COL25A1: variants seen among roughly 807,000 people sequenced by gnomAD.
COL25A1 encodes the protein collagen alpha-1(XXV) chain.
In COL25A1, 103 loss-of-function variants were observed where a neutral mutation model predicts 128.4. That is an observed-to-expected ratio of 0.80 (90% CI 0.68 to 0.94). COL25A1 has a LOEUF of 0.94. Ranked by LOEUF, COL25A1 falls within the 40% of genes least tolerant of loss-of-function variation. COL25A1 has a pLI of 0.00. For synonymous variants in COL25A1, 279 were observed against 277.2 expected, an observed-to-expected ratio of 1.01 and a Z score of -0.06; for missense variants, 745 against 840.0, an observed-to-expected ratio of 0.89 and a Z score of 1.40.
chr4:109,081,565 A>G (rs1349546493), intron 3 of COL25A1, among the ~76,000 whole-genome samples: 3 of 152,216 alleles, frequency 2.0e-5, no homozygotes, highest in Non-Finnish European at 4.4e-5. Flanking sequence ...ATTCATAGAT[A>G]TGTGCAACCA....
At chr4:109,178,628 T>C (rs561333011) in intron 3 of COL25A1, among the ~76,000 whole-genome samples, 2 of 151,876 alleles carry the variant, frequency 1.3e-5, no homozygotes, top group South Asian at 2.1e-4. Flanking sequence ...ATTGAGACTA[T>C]CCTGGCTAAC....
chr4:109,138,391 G>A (rs1047156578), intron 3 of COL25A1, among the ~76,000 whole-genome samples: 1 of 152,178 alleles, frequency 6.6e-6, no homozygotes, highest in Non-Finnish European at 1.5e-5. Flanking sequence ...TATCATTGAT[G>A]GGCATATGGG....
chr4:109,264,153 A>T (rs562973330), intron 3 of COL25A1, among the ~76,000 whole-genome samples: 45 of 152,390 alleles, frequency 3.0e-4, no homozygotes, highest in African/African-American at 1.0e-3. Context: ...TTAGAATTAA[A>T]GGCTGAAGAG....
At chr4:109,149,942 ATGTGTGTG>A in intron 3 of COL25A1, among the ~76,000 whole-genome samples, 1 of 148,770 alleles carries the variant, frequency 6.7e-6, no homozygotes, top group South Asian at 2.1e-4. Context: ...ATGTGTATGT[ATGTGTGTG>A]TGTGTGTGTA....
intron 5 of COL25A1, among the ~76,000 whole-genome samples, chr4:109,042,232 C>A (rs556389291): frequency 6.6e-6 from 1 of 152,158 alleles, no homozygotes; most frequent in African/African-American, 2.4e-5. Flanking sequence ...ACACAGTGCT[C>A]TCTACAAACA....
At chr4:109,287,121 A>T (rs1723965867) in intron 3 of COL25A1, among the ~76,000 whole-genome samples, 1 of 152,214 alleles carries the variant, frequency 6.6e-6, no homozygotes, top group Non-Finnish European at 1.5e-5. Flanking sequence ...TGAAAAGTAA[A>T]CTGGAATTAT....
At chr4:109,042,697 G>A (rs974867100) in intron 5 of COL25A1, among the ~76,000 whole-genome samples, 1 of 151,860 alleles carries the variant, frequency 6.6e-6, no homozygotes, top group African/African-American at 2.4e-5. Flanking sequence ...ATAATAAGTA[G>A]GAATATAAAA....
chr4:109,050,270 T>C (rs780808047), intron 3 of COL25A1, 91 bp from the exon 4 acceptor site: 1 of 968,122 alleles, frequency 1.0e-6, no homozygotes, highest in Non-Finnish European at 1.5e-6. Context: ...TATTTTCTCA[T>C]TGTTTTTAAC....
intron 3 of COL25A1, among the ~76,000 whole-genome samples, chr4:109,080,442 C>T (rs1167366982): frequency 6.6e-6 from 1 of 151,994 alleles, no homozygotes; most frequent in African/African-American, 2.4e-5. Flanking sequence ...GGATAAATCA[C>T]CTGTAGGACT....
chr4:108,938,750 A>C (rs542330043), intron 10 of COL25A1, among the ~76,000 whole-genome samples: 1 of 152,288 alleles, frequency 6.6e-6, no homozygotes, highest in East Asian at 1.9e-4. Context: ...CCAGCTACTC[A>C]GAAGGCTGAG....
At chr4:109,048,070 T>A in intron 5 of COL25A1, 98 bp downstream of exon 5, 1 of 1,335,650 alleles carries the variant, frequency 7.5e-7, no homozygotes, top group Non-Finnish European at 1.1e-6. Flanking sequence ...AACATTTTTC[T>A]AATAGACATA....
chr4:109,197,471 A>AT (rs1491241928), intron 3 of COL25A1, among the ~76,000 whole-genome samples: 3 of 119,732 alleles, frequency 2.5e-5, no homozygotes, highest in South Asian at 4.5e-4. Context: ...TATTATATAT[A>AT]ATATATATTA....
chr4:108,874,086 A>C (rs1038015546), intron 19 of COL25A1, among the ~76,000 whole-genome samples: 7 of 152,260 alleles, frequency 4.6e-5, no homozygotes, highest in African/African-American at 1.4e-4. Flanking sequence ...CCAATTAGTC[A>C]CAATTTCTGT....
rs151130586 is a variant in COL25A1 at position 109,127,287 on chromosome 4, G to A, written c.368-77108C>T. Among the ~76,000 whole-genome samples, 3 of 152,202 alleles carry A rather than the reference G, an allele frequency of 2.0e-5. No homozygotes were observed. In the East Asian group the frequency reaches 5.8e-4, roughly 29 times the overall value. The stretch of plus-strand genomic sequence containing the variant: ...GCGTAATAGAACTTCAGCACTGCTT[G>A]GTCATAATTTGGTCCATTATTCTTT... On this transcript the variant is annotated intron_variant, in intron 3 of 37. Coordinates refer to ENST00000399132, the MANE Select transcript of COL25A1 (RefSeq NM_198721.4).
intron 18 of COL25A1, 137 bp downstream of exon 18, chr4:108,889,084 A>T: frequency 1.2e-6 from 1 of 813,828 alleles, no homozygotes; most frequent in Non-Finnish European, 2.0e-6. Flanking sequence ...AAAATGCAAA[A>T]CAACAATAAC....
chr4:109,083,447 A>ATTTTT (rs1560659110), intron 3 of COL25A1, among the ~76,000 whole-genome samples: 3 of 124,344 alleles, frequency 2.4e-5, no homozygotes, highest in Admixed American at 9.6e-5. Context: ...ACACTAAATA[A>ATTTTT]ATTTTTTTTT....
intron 3 of COL25A1, among the ~76,000 whole-genome samples, chr4:109,282,070 C>A (rs781677245): frequency 1.3e-5 from 2 of 152,156 alleles, no homozygotes; most frequent in Non-Finnish European, 2.9e-5. Context: ...AAAACCAACC[C>A]AATGGGAAAA....
At chr4:109,016,510 T>A (rs1182383560) in intron 5 of COL25A1, among the ~76,000 whole-genome samples, 2 of 152,240 alleles carry the variant, frequency 1.3e-5, no homozygotes, top group Non-Finnish European at 2.9e-5. Context: ...GGGACCAGAC[T>A]GCCAGTTCCA....
chr4:109,285,996 A>G (rs1723856893), intron 3 of COL25A1, among the ~76,000 whole-genome samples: 1 of 152,190 alleles, frequency 6.6e-6, no homozygotes, highest in South Asian at 2.1e-4. Flanking sequence ...CTGGTGGAAT[A>G]GAAGTAGGAA....
Sources: gnomAD v4.1 joint callset for allele counts (sites outside exome capture counted in the v4.1 genomes callset) on GRCh38, gnomAD v4.1.1 for gene constraint, MANE v1.5 for transcripts, NCBI Gene and HGNC (gene_info 2026-07-23, HGNC 2026-07-21) for gene names.